The following FNDC1 variants were observed in gnomAD, a reference collection of about 807,000 sequenced individuals.
FNDC1 encodes the protein fibronectin type III domain-containing protein 1.
A neutral mutation model predicts 168.0 loss-of-function variants in FNDC1; 96 were observed. The observed-to-expected ratio is 0.57, with a 90% CI of 0.48 to 0.68. The LOEUF (loss-of-function observed/expected upper bound fraction) is 0.68, where lower values mean the gene tolerates loss of function less well. Among genes scored for constraint, FNDC1 ranks in the 30% least tolerant of loss-of-function variants. The pLI is 0.00. For missense variants in FNDC1, 2,587 were observed against 2,482.1 expected (o/e 1.04, Z -0.90); for synonymous variants, 1,099 against 1,025.9 (o/e 1.07, Z -1.36).
At chr6:159,263,712 A>G (rs1777537887) in intron 19 of FNDC1, among the ~76,000 whole-genome samples, 1 of 152,224 alleles carries the variant, frequency 6.6e-6, no homozygotes. Context: ...CAGTGAGCCA[A>G]GATTGTGCCA....
At chr6:159,209,834 C>T (rs1258856557) in intron 4 of FNDC1, among the ~76,000 whole-genome samples, 1 of 152,088 alleles carries the variant, frequency 6.6e-6, no homozygotes, top group Non-Finnish European at 1.5e-5. Flanking sequence ...AAGACCTCTT[C>T]TTCCAATCCC....
rs569423847 is a variant in FNDC1 at position 159,181,665 on chromosome 6, T to C, written c.109+11960T>C. ...TCAGGAAGAGAAACCACCAACTATG[T>C]CTGAGGACCTTGCCTGGCGGGCACA... is the stretch of plus-strand genomic sequence containing the variant. On this transcript the variant is annotated intron_variant, in intron 1 of 22. Coordinates refer to ENST00000297267, the MANE Select transcript of FNDC1 (RefSeq NM_032532.3). 2.0e-5 allele frequency among the ~76,000 whole-genome samples: 3 copies of C among 152,328 alleles called. No homozygotes were observed. The South Asian group carries it at 6.2e-4, about 32-fold the overall frequency.
At chr6:159,235,274 T>A (rs1783224251) in intron 11 of FNDC1, among the ~76,000 whole-genome samples, 1 of 151,918 alleles carries the variant, frequency 6.6e-6, no homozygotes, top group African/African-American at 2.4e-5. Context: ...TAAACCCTCC[T>A]TGTATGTAAT....
chr6:159,170,392 A>T (rs996887937), intron 1 of FNDC1, among the ~76,000 whole-genome samples: 1 of 152,226 alleles, frequency 6.6e-6, no homozygotes, highest in Non-Finnish European at 1.5e-5. Flanking sequence ...TGCAGCCAGG[A>T]TGGATGCTTC....
At chr6:159,224,988 G>A (rs1162388191) in intron 7 of FNDC1, among the ~76,000 whole-genome samples, 1 of 152,128 alleles carries the variant, frequency 6.6e-6, no homozygotes, top group African/African-American at 2.4e-5. Flanking sequence ...GTCCTGCTCT[G>A]TTTGTTTCAC....
Position 159,238,567 on chromosome 6 carries a change from A to G in FNDC1, c.4082A>G (p.Asp1361Gly). Residue 1361 changes from aspartate (D) to glycine (G), a missense_variant, in exon 13 of 23, where the codon GAT (aspartate) becomes GGT (glycine). Asp to Gly is a moderately conservative substitution (Grantham distance 94). Transcript: ENST00000297267. ...PQGTKWVVDL[D>G]RGLVLNAEGR... ...TCATGGATTTAGGTTGTGGACCTTG[A>G]TCGTGGGTTAGTATTGAATGCAGAA... 6.2e-7 allele frequency: 1 copy of G among 1,609,796 alleles called. No homozygotes were observed.
At chr6:159,269,066 AT>A (rs1777656052) in intron 22 of FNDC1, among the ~76,000 whole-genome samples, 1 of 18,348 alleles carries the variant, frequency 5.5e-5, no homozygotes, top group African/African-American at 8.4e-5. Context: ...CTGTCTATCT[AT>A]CTATCTATCT....
chr6:159,223,120 C>T (rs1410273831), intron 6 of FNDC1, among the ~76,000 whole-genome samples: 4 of 151,822 alleles, frequency 2.6e-5, no homozygotes, highest in East Asian at 3.9e-4. Context: ...CTCAGCCTCC[C>T]GAGTATTTGG....
chr6:159,251,631 GTGGGTTGGATGGGTTGGATGGATGAA>G, intron 17 of FNDC1, 99 bp downstream of exon 17: 1 of 1,050,624 alleles, frequency 9.5e-7, no homozygotes, highest in East Asian at 2.6e-5. Context: ...GCATGGATGA[GTGGGTTGGATGGGTTGGATGGATGAA>G]TGGGATGATG....
intron 5 of FNDC1, among the ~76,000 whole-genome samples, chr6:159,221,153 A>G (rs1782813931): frequency 6.6e-6 from 1 of 152,254 alleles, no homozygotes; most frequent in Non-Finnish European, 1.5e-5. Context: ...CACATTGGCT[A>G]TTCTTTTCTT....
chr6:159,250,568 G>C (rs1168603284), intron 16 of FNDC1, among the ~76,000 whole-genome samples: 2 of 152,194 alleles, frequency 1.3e-5, no homozygotes, highest in Non-Finnish European at 2.9e-5. Context: ...TAAGGGCTGG[G>C]GGTGACAGCC....
intron 1 of FNDC1, among the ~76,000 whole-genome samples, chr6:159,193,768 T>C (rs919104583): frequency 6.6e-6 from 1 of 152,230 alleles, no homozygotes; most frequent in African/African-American, 2.4e-5. Flanking sequence ...CAAACTGGCC[T>C]CTTTGGGCCC....
At chr6:159,213,798 G>T (rs1472905936) in intron 4 of FNDC1, among the ~76,000 whole-genome samples, 1 of 152,160 alleles carries the variant, frequency 6.6e-6, no homozygotes. Context: ...CTATAGGAAT[G>T]GGGTGCCCAG....
At chr6:159,197,380 G>T (rs768364426) in intron 1 of FNDC1, 51 bp from the exon 2 acceptor site, 2 of 1,510,114 alleles carry the variant, frequency 1.3e-6, no homozygotes, top group Admixed American at 4.3e-5. Flanking sequence ...AAAAAAATTC[G>T]TTTTCCCAAT....
intron 4 of FNDC1, among the ~76,000 whole-genome samples, chr6:159,205,008 C>A (rs1407674822): frequency 1.3e-5 from 2 of 152,128 alleles, no homozygotes; most frequent in African/African-American, 2.4e-5. Context: ...CTGCTCCCTG[C>A]CCTCCTGCTG....
At chr6:159,261,952 T>G (rs983386888) in intron 19 of FNDC1, among the ~76,000 whole-genome samples, 1 of 151,570 alleles carries the variant, frequency 6.6e-6, no homozygotes, top group Non-Finnish European at 1.5e-5. Context: ...AAAAAAATTT[T>G]TTTTAATTAG....
At chr6:159,198,043 G>A (rs949113819) in intron 2 of FNDC1, among the ~76,000 whole-genome samples, 5 of 152,172 alleles carry the variant, frequency 3.3e-5, no homozygotes, top group Non-Finnish European at 4.4e-5. Flanking sequence ...TGTGGAATAC[G>A]TTATGCCTAG....
intron 1 of FNDC1, among the ~76,000 whole-genome samples, chr6:159,188,901 C>T (rs1161481563): frequency 6.6e-6 from 1 of 152,020 alleles, no homozygotes; most frequent in Admixed American, 6.6e-5. Context: ...GTGCCCACCA[C>T]CATGCCCACC....
intron 7 of FNDC1, among the ~76,000 whole-genome samples, chr6:159,224,873 T>C (rs1478332285): frequency 6.6e-6 from 1 of 152,048 alleles, no homozygotes; most frequent in East Asian, 1.9e-4. Context: ...GCTCTTAGAG[T>C]GTTGAGGGTG....
Sources: gnomAD v4.1 joint callset for allele counts (sites outside exome capture counted in the v4.1 genomes callset) on GRCh38, gnomAD v4.1.1 for gene constraint, MANE v1.5 for transcripts, NCBI Gene and HGNC (gene_info 2026-07-23, HGNC 2026-07-21) for gene names.